PIBF1: variants seen among roughly 807,000 people sequenced by gnomAD.
The protein encoded by PIBF1 is progesterone-induced-blocking factor 1.
In PIBF1, 90 loss-of-function variants were observed where a neutral mutation model predicts 112.5. That is an observed-to-expected ratio of 0.80 (90% confidence interval 0.67 to 0.95). The LOEUF is 0.95. PIBF1 is among the 40% of genes least tolerant of loss of function. The pLI is 0.00. For synonymous variants in PIBF1, 301 were observed against 288.6 expected (o/e 1.04, Z -0.44); for missense variants, 915 against 852.3 (o/e 1.07, Z -0.92).
chr13:72,892,164 A>G (rs2040083241), intron 10 of PIBF1, among the ~76,000 whole-genome samples: 1 of 152,146 alleles, frequency 6.6e-6, no homozygotes, highest in Non-Finnish European at 1.5e-5. Context: ...AGTGAATTTT[A>G]TGGTATATGA....
intron 10 of PIBF1, among the ~76,000 whole-genome samples, chr13:72,862,243 A>C (rs1251403602): frequency 1.1e-4 from 16 of 152,262 alleles, no homozygotes; most frequent in Non-Finnish European, 1.5e-5. Context: ...GTGAAGTTAC[A>C]GAACATGAAT....
chr13:72,787,262 G>A (rs1214930893), intron 2 of PIBF1, among the ~76,000 whole-genome samples: 1 of 152,050 alleles, frequency 6.6e-6, no homozygotes, highest in Non-Finnish European at 1.5e-5. Context: ...ACCTTTATTT[G>A]TATGTGTTAT....
chr13:72,895,323 T>G (rs1179673170), intron 11 of PIBF1, among the ~76,000 whole-genome samples: 1 of 149,136 alleles, frequency 6.7e-6, no homozygotes, highest in Non-Finnish European at 1.5e-5. Context: ...TTAAATAATA[T>G]TTAAAATAAT....
intron 2 of PIBF1, among the ~76,000 whole-genome samples, chr13:72,787,308 G>T (rs1330898244): frequency 6.6e-6 from 1 of 152,040 alleles, no homozygotes; most frequent in African/African-American, 2.4e-5. Context: ...TTGTCTTTAT[G>T]TGTGAAGCAC....
intron 3 of PIBF1, 61 bp from the exon 4 acceptor site, chr13:72,795,296 CTG>C (rs1396853848): frequency 2.9e-5 from 29 of 1,013,174 alleles, no homozygotes; most frequent in Non-Finnish European, 4.0e-5. Context: ...AAATAGGAAA[CTG>C]TGAGAAAATT....
chr13:72,834,782 G>A (rs182890534), intron 8 of PIBF1, among the ~76,000 whole-genome samples: 4 of 152,162 alleles, frequency 2.6e-5, no homozygotes, highest in South Asian at 4.2e-4. Flanking sequence ...AAAAGATCAC[G>A]GTGTGGCTGT....
intron 8 of PIBF1, among the ~76,000 whole-genome samples, chr13:72,831,597 A>G (rs2037116856): frequency 6.6e-6 from 1 of 152,030 alleles, no homozygotes. Flanking sequence ...ATTAATCCTG[A>G]GTTCTAGTTT....
At position 72,968,650 on chromosome 13, in the gene PIBF1, C is replaced by A. The variant is rs187140972; in HGVS notation, c.1964+3246C>A. On this transcript the variant is annotated intron_variant, in intron 15 of 17. Coordinates refer to ENST00000326291, the MANE Select transcript of PIBF1 (RefSeq NM_006346.4). ...TTACTGAGGAACTAAATTTTTAATT[C>A]TATTAAAATTAAATTGTTTAAATTA... Among the ~76,000 whole-genome samples the A allele has an allele frequency of 2.2e-4, 33 of 151,724 alleles. No individual in the cohort carries two copies. In the East Asian group the frequency reaches 6.2e-3, roughly 28 times the overall value.
chr13:72,991,071 A>G (rs977013797), intron 16 of PIBF1, among the ~76,000 whole-genome samples: 8 of 152,190 alleles, frequency 5.3e-5, no homozygotes, highest in African/African-American at 1.4e-4. Flanking sequence ...AATGCTATCT[A>G]TGTGTCTCCT....
At chr13:72,881,230 T>C (rs1213307253) in intron 10 of PIBF1, 1 of 152,154 alleles carries the variant, frequency 6.6e-6, no homozygotes, top group Non-Finnish European at 1.5e-5. Flanking sequence ...TAGGATCTTC[T>C]ATTTGGAAAA....
chr13:72,957,744 G>T (rs2042487408), intron 14 of PIBF1, among the ~76,000 whole-genome samples: 1 of 152,054 alleles, frequency 6.6e-6, no homozygotes, highest in South Asian at 2.1e-4. Context: ...TTCAAGAGCA[G>T]CCTGGGCAAT....
intron 8 of PIBF1, among the ~76,000 whole-genome samples, chr13:72,832,490 G>C (rs1459953262): frequency 6.6e-6 from 1 of 152,110 alleles, no homozygotes; most frequent in Non-Finnish European, 1.5e-5. Flanking sequence ...GGATTTGCTT[G>C]TCTGTAAAGG....
chr13:72,932,506 A>G (rs1026272350), intron 14 of PIBF1, among the ~76,000 whole-genome samples: 1 of 152,148 alleles, frequency 6.6e-6, no homozygotes, highest in African/African-American at 2.4e-5. Context: ...GTGTTGGTAA[A>G]TGTTAACAGC....
chr13:72,883,936 G>A (rs913575446), intron 10 of PIBF1, among the ~76,000 whole-genome samples: 2 of 151,880 alleles, frequency 1.3e-5, no homozygotes, highest in African/African-American at 4.8e-5. Context: ...AGATATATAC[G>A]TACACACATA....
At chr13:72,798,670 G>A (rs79289491) in intron 5 of PIBF1, among the ~76,000 whole-genome samples, 15,614 of 152,156 alleles carry the variant, frequency 0.1, 1,092 homozygotes, top group Non-Finnish European at 0.15. Flanking sequence ...TTATTGACCA[G>A]ATATCCTAGA....
At chr13:72,989,893 G>A (rs1400323424) in intron 16 of PIBF1, among the ~76,000 whole-genome samples, 1 of 152,048 alleles carries the variant, frequency 6.6e-6, no homozygotes, top group Non-Finnish European at 1.5e-5. Context: ...TTGTGTCATT[G>A]AAAATTTCCG....
At chr13:72,823,257 G>A (rs924684055) in intron 6 of PIBF1, among the ~76,000 whole-genome samples, 14 of 152,082 alleles carry the variant, frequency 9.2e-5, no homozygotes, top group Admixed American at 1.3e-4. Flanking sequence ...ATAATCCATC[G>A]GGGCCACGGA....
Position 72,816,872 on chromosome 13 carries a change from A to G in PIBF1, c.673-4977A>G, listed in dbSNP as rs185718134. 1.1e-4 allele frequency among the ~76,000 whole-genome samples: 17 copies of G among 152,180 alleles called. No individual in the cohort carries two copies. In the East Asian group the frequency reaches 2.1e-3, roughly 19 times the overall value. ...ATTTTTTTTTTGAAAAATTTCTTGAAGATCTTAACAATGACAAGAGTTGTC... is the reference window on the plus strand; with the variant it reads ...ATTTTTTTTTTGAAAAATTTCTTGAGGATCTTAACAATGACAAGAGTTGTC... On this transcript the variant is annotated intron_variant, in intron 5 of 17. Transcript: ENST00000326291.
rs528910636 is a variant in PIBF1, at chr13:72,955,207, T to C, written c.1834-10067T>C. Among the ~76,000 whole-genome samples, 227 of 152,370 alleles carry C rather than the reference T, an allele frequency of 1.5e-3. 1 individual carries two copies. Among genetic ancestry groups the C allele is most frequent in the African/African-American group, 5.2e-3 (217 of 41,584 alleles). On this transcript the variant is annotated intron_variant, in intron 14 of 17. Transcript: ENST00000326291. ...ACAAAACATTTCACTTTCATTGTAG[T>C]AGTAGCTCTGTGTCTAACCTTGCCA...
Sources: gnomAD v4.1 joint callset for allele counts (sites outside exome capture counted in the v4.1 genomes callset) on GRCh38, gnomAD v4.1.1 for gene constraint, MANE v1.5 for transcripts, NCBI Gene and HGNC (gene_info 2026-07-23, HGNC 2026-07-21) for gene names.